Variants in GABRA1 observed in about 807,000 individuals in gnomAD.
GABRA1 encodes the protein gamma-aminobutyric acid type A receptor subunit alpha1.
GABRA1 carries 9 observed loss-of-function variants against 48.9 expected under a neutral mutation model. The observed-to-expected ratio is 0.18, with a 90% CI of 0.11 to 0.32. GABRA1 has a LOEUF of 0.32. Ranked by LOEUF, GABRA1 falls within the 10% of genes least tolerant of loss-of-function variation. The pLI is 1.00. For synonymous variants in GABRA1, 210 were observed against 198.7 expected (o/e 1.06, Z -0.48); for missense variants, 285 against 553.8 (o/e 0.51, Z 4.87).
chr5:161,853,398 G>A (rs969728551), intron 2 of GABRA1, among the ~76,000 whole-genome samples: 1 of 151,822 alleles, frequency 6.6e-6, no homozygotes, highest in African/African-American at 2.4e-5. Flanking sequence ...TAGGTTCTAG[G>A]TCAAGGTTTG....
At chr5:161,870,666 C>A (rs1182229608) in intron 4 of GABRA1, among the ~76,000 whole-genome samples, 3 of 150,932 alleles carry the variant, frequency 2.0e-5, no homozygotes, top group African/African-American at 2.4e-5. Flanking sequence ...AAAGAAAAAA[C>A]AGAAAAAGAG....
chr5:161,865,905 TG>T (rs1467696234), intron 4 of GABRA1, 117 bp downstream of exon 4: 4 of 777,420 alleles, frequency 5.1e-6, no homozygotes, highest in Admixed American at 1.9e-5. Context: ...TATACTTTTG[TG>T]TCTTTCTGTG....
intron 7 of GABRA1, among the ~76,000 whole-genome samples, chr5:161,883,071 TAA>T (rs1754685901): frequency 6.6e-6 from 1 of 152,212 alleles, no homozygotes; most frequent in South Asian, 2.1e-4. Context: ...ATTAAATTCT[TAA>T]AGAGTACTTA....
intron 4 of GABRA1, 45 bp from the exon 5 acceptor site, chr5:161,873,072 A>T: frequency 6.9e-7 from 1 of 1,447,530 alleles, no homozygotes; most frequent in Non-Finnish European, 9.7e-7. Flanking sequence ...TTGCATTGCA[A>T]AATACAGCAC....
intron 8 of GABRA1, among the ~76,000 whole-genome samples, chr5:161,894,715 TG>T (rs80275815): frequency 0.18 from 26,682 of 152,034 alleles, 3,073 homozygotes; most frequent in African/African-American, 0.32. Context: ...ACTTTTGTAC[TG>T]AGTATAGTGC....
rs183537029 is a variant in GABRA1, at chr5:161,888,952, G to A, written c.704-1946G>A. 2.1e-3 allele frequency among the ~76,000 whole-genome samples: 325 copies of A among 151,994 alleles called. 1 individual carries two copies. Among genetic ancestry groups the A allele is most frequent in the African/African-American group, 7.3e-3 (305 of 41,514 alleles). On this transcript the variant is annotated intron_variant, in intron 7 of 9. Transcript: ENST00000393943. ...GGTATTAAATACTGAGGATATGGCC[G>A]GTCATGCTACATAACCAAATAACTA... is the stretch of plus-strand genomic sequence containing the variant.
intron 4 of GABRA1, among the ~76,000 whole-genome samples, chr5:161,870,943 GCTCT>G (rs1754088661): frequency 7.4e-6 from 1 of 135,304 alleles, no homozygotes; most frequent in African/African-American, 2.9e-5. Context: ...AGCGAGTGTT[GCTCT>G]GTGTGTGTGT....
At chr5:161,892,436 G>T (rs1755136020) in intron 8 of GABRA1, among the ~76,000 whole-genome samples, 1 of 152,158 alleles carries the variant, frequency 6.6e-6, no homozygotes, top group Non-Finnish European at 1.5e-5. Context: ...TCTGAACTTG[G>T]CAATATGCTT....
At chr5:161,885,796 T>C (rs901234275) in intron 7 of GABRA1, among the ~76,000 whole-genome samples, 1 of 152,108 alleles carries the variant, frequency 6.6e-6, no homozygotes, top group African/African-American at 2.4e-5. Flanking sequence ...GGCAGAGAAA[T>C]AGGCAAACGG....
chr5:161,848,815 G>A (rs887983989), intron 1 of GABRA1: 3 of 334,670 alleles, frequency 9.0e-6, no homozygotes, highest in African/African-American at 6.8e-5. Context: ...GGGTGAGTTG[G>A]GGAGGGGCGT....
At chr5:161,869,068 A>C (rs1753997303) in intron 4 of GABRA1, among the ~76,000 whole-genome samples, 1 of 152,154 alleles carries the variant, frequency 6.6e-6, no homozygotes, top group South Asian at 2.1e-4. Flanking sequence ...TTGCTTTAGA[A>C]GATTAATCAT....
intron 7 of GABRA1, among the ~76,000 whole-genome samples, chr5:161,890,256 T>A (rs909305999): frequency 5.3e-5 from 8 of 152,074 alleles, no homozygotes; most frequent in African/African-American, 1.9e-4. Context: ...TTCCTGACCT[T>A]TCAAAGAATG....
chr5:161,886,495 G>A (rs1220476156), intron 7 of GABRA1, among the ~76,000 whole-genome samples: 1 of 152,048 alleles, frequency 6.6e-6, no homozygotes, highest in Non-Finnish European at 1.5e-5. Context: ...GTAGGCCTGG[G>A]TGCAGTGAGT....
chr5:161,861,994 C>T (rs1255632449), intron 3 of GABRA1, among the ~76,000 whole-genome samples: 1 of 151,894 alleles, frequency 6.6e-6, no homozygotes, highest in African/African-American at 2.4e-5. Context: ...CAGCAGACAG[C>T]ATTTCCGGGG....
intron 8 of GABRA1, among the ~76,000 whole-genome samples, chr5:161,893,160 A>T (rs1226789511): frequency 6.6e-6 from 1 of 151,952 alleles, no homozygotes. Flanking sequence ...ACACCAACGA[A>T]TTCTACTCTT....
intron 8 of GABRA1, among the ~76,000 whole-genome samples, chr5:161,894,883 A>G (rs757654525): frequency 6.7e-6 from 1 of 150,052 alleles, no homozygotes; most frequent in Non-Finnish European, 1.5e-5. Context: ...GGATTTGCAG[A>G]GTAGGAAAGA....
At chr5:161,895,071 A>G (rs1755300958) in intron 8 of GABRA1, among the ~76,000 whole-genome samples, 1 of 152,086 alleles carries the variant, frequency 6.6e-6, no homozygotes, top group African/African-American at 2.4e-5. Flanking sequence ...TATATGAGAC[A>G]CACATGTTTC....
chr5:161,869,243 T>A (rs1754004878), intron 4 of GABRA1, among the ~76,000 whole-genome samples: 1 of 152,210 alleles, frequency 6.6e-6, no homozygotes, highest in African/African-American at 2.4e-5. Flanking sequence ...ATAACAAGAT[T>A]TAATGCTATT....
chr5:161,886,359 TTG>T (rs201044420), intron 7 of GABRA1, among the ~76,000 whole-genome samples: 1 of 151,680 alleles, frequency 6.6e-6, no homozygotes, highest in Non-Finnish European at 1.5e-5. Flanking sequence ...TTTTTTTTTT[TTG>T]TATGTATCTT....
Sources: gnomAD v4.1 joint callset for allele counts (sites outside exome capture counted in the v4.1 genomes callset) on GRCh38, gnomAD v4.1.1 for gene constraint, MANE v1.5 for transcripts, NCBI Gene and HGNC (gene_info 2026-07-23, HGNC 2026-07-21) for gene names.